Variants in RIF1 observed in about 807,000 individuals in gnomAD.
RIF1 encodes the protein replication timing regulatory factor 1.
RIF1 carries 45 observed loss-of-function variants against 247.1 expected under a neutral mutation model. That is an observed-to-expected ratio of 0.18 (90% confidence interval 0.14 to 0.23). The LOEUF is 0.23. Among genes scored for constraint, RIF1 ranks in the 10% least tolerant of loss-of-function variants. The pLI is 1.00. For missense variants in RIF1, 2,967 were observed against 2,862.5 expected, an observed-to-expected ratio of 1.04 and a Z score of -0.83; for synonymous variants, 1,087 against 978.8, an observed-to-expected ratio of 1.11 and a Z score of -2.06.
chr2:151,495,948 C>T (rs78895794), intron 10 of RIF1, among the ~76,000 whole-genome samples: 1 of 152,126 alleles, frequency 6.6e-6, no homozygotes, highest in African/African-American at 2.4e-5. Flanking sequence ...TCCACCACCC[C>T]ACACGTACCC....
chr2:151,524,414 A>G, the RIF1 span: 1 of 1,613,822 alleles, frequency 6.2e-7, no homozygotes, highest in South Asian at 1.1e-5. Context: ...TCTGTACTCC[A>G]CCTGAATCAG....
rs746451185 is a variant in RIF1, at chr2:151,460,112, C to G, written c.3068C>G (p.Ala1023Gly). ...AATAAAAAAGAAAATATGAAACCAG[C>G]AGCCAAAGTATGTTTTCAAAAGTTT... Reference protein sequence around the residue: ...TKNKKENMKPAAKLKLESSSL... With the variant: ...TKNKKENMKPGAKLKLESSSL... The change falls in exon 26 of 36, where the codon GCA (alanine) becomes GGA (glycine). Residue 1023 changes from alanine to glycine, a missense_variant. By Grantham distance (60) the Ala-to-Gly change is moderately conservative. Transcript: ENST00000444746. The G allele has an allele frequency of 1.6e-5, 24 of 1,542,852 alleles. No individual in the cohort carries two copies. The highest frequency in any genetic ancestry group is 1.8e-5 in the Non-Finnish European group (21 of 1,139,080).
In RIF1 at chr2:151,410,446, C is replaced by A; in HGVS notation, c.23C>A (p.Pro8His). 6.2e-7 allele frequency: 1 copy of A among 1,613,988 alleles called. No individual in the cohort carries two copies. Among genetic ancestry groups the A allele is most frequent in the Non-Finnish European group, 8.5e-7 (1 of 1,179,978 alleles). Reference sequence around the variant, plus strand: ...GACATGACGGCCAGGGGTCAGAGCCCCCTCGCGCCGCTGTTGGAGACTTTG... The same window carrying A: ...GACATGACGGCCAGGGGTCAGAGCCACCTCGCGCCGCTGTTGGAGACTTTG... Reference protein sequence around the residue: MTARGQSPLAPLLETLED... With the variant: MTARGQSHLAPLLETLED... The change falls in exon 2 of 36, where the codon CCC becomes CAC. Residue 8 changes from proline (P) to histidine (H), a missense_variant. Pro to His is a moderately conservative substitution (Grantham distance 77). Transcript: ENST00000444746.
Position 151,492,232 on chromosome 2 carries a change from A to G in RIF1, c.*416-2997A>G, listed in dbSNP as rs1175593938. On this transcript the variant is annotated intron_variant and NMD_transcript_variant, in intron 9 of 13. Transcript: ENST00000454583. ...TCGTTCAGTGATAGGATCTGTCACCACTGGTGTGAAGCAACCCTTGTGTTT... is the reference window on the plus strand; with the variant it reads ...TCGTTCAGTGATAGGATCTGTCACCGCTGGTGTGAAGCAACCCTTGTGTTT... 1.2e-6 allele frequency: 2 copies of G among 1,613,784 alleles called. No homozygotes were observed. Among genetic ancestry groups the G allele is most frequent in the African/African-American group, 1.3e-5 (1 of 74,918 alleles).
At chr2:151,418,063 C>G (rs1687522628) in intron 6 of RIF1, among the ~76,000 whole-genome samples, 1 of 152,114 alleles carries the variant, frequency 6.6e-6, no homozygotes, top group African/African-American at 2.4e-5. Context: ...ACTGAAGGTT[C>G]TTTGGGTGAG....
chr2:151,427,579 A>G (rs1044843478), intron 8 of RIF1, among the ~76,000 whole-genome samples: 1 of 139,852 alleles, frequency 7.2e-6, no homozygotes, highest in Non-Finnish European at 1.6e-5. Context: ...TTTGTTTGAT[A>G]GTATTCCCAT....
chr2:151,464,568 T>C lies in RIF1; in HGVS notation c.5048T>C (p.Leu1683Ser). 6.2e-7 allele frequency: 1 copy of C among 1,612,948 alleles called. No individual in the cohort carries two copies. ...NLRTRNAIKR[L>S]HKRDSFDNCS... ...AGGACTAGAAATGCCATTAAGAGAT[T>C]ACATAAGCGAGACTCTTTTGATAAT... Residue 1683 changes from leucine to serine, a missense_variant, in exon 30 of 36, where the codon TTA becomes TCA. Physicochemically the swap from Leu to Ser is moderately radical, Grantham distance 145. Transcript: ENST00000444746.
chr2:151,492,093 G>GT lies in RIF1; in HGVS notation c.*416-3134dup. 1 of 1,613,574 alleles carries GT rather than the reference G, an allele frequency of 6.2e-7. No homozygotes were observed. Among genetic ancestry groups the GT allele is most frequent in the Non-Finnish European group, 8.5e-7 (1 of 1,179,628 alleles). On this transcript the variant is annotated intron_variant and NMD_transcript_variant, in intron 9 of 13. Coordinates refer to the RIF1 transcript ENST00000454583. ...AATCCCCTCCCCCAACCCAGGCTCAGTTACCTGTAATAGTCTCCTGATCTT... is the reference window on the plus strand; with the variant it reads ...AATCCCCTCCCCCAACCCAGGCTCAGTTTACCTGTAATAGTCTCCTGATCTT...
intron 3 of RIF1, among the ~76,000 whole-genome samples, chr2:151,412,265 A>C (rs904787238): frequency 1.8e-5 from 2 of 110,332 alleles, no homozygotes; most frequent in Non-Finnish European, 4.0e-5. Flanking sequence ...CCAAAGTTTG[A>C]GTTCTCATTT....
Position 151,454,978 on chromosome 2 carries a change from G to A in RIF1, c.2428G>A (p.Val810Met). ...TTCTTTATTTAAACTTATTGTGAAA[G>A]TGATCTATTCTTTCCACACACTGAG... ...LTSLFKLIVKVIYSFHTLSFK... is the reference protein window; with the variant it reads ...LTSLFKLIVKMIYSFHTLSFK... The change falls in exon 22 of 36, where the codon GTG (valine) becomes ATG (methionine). Residue 810 changes from valine (V) to methionine (M), a missense_variant. Physicochemically the swap from Val to Met is conservative, Grantham distance 21. This residue lies in a region of RIF1 where 2,028 missense variants were observed against 1,825.6 expected (regional missense o/e 1.11). Coordinates refer to ENST00000444746, the MANE Select transcript of RIF1 (RefSeq NM_018151.5). 1 of 1,613,332 alleles carries A rather than the reference G, an allele frequency of 6.2e-7. No homozygotes were observed.
At chr2:151,491,869 G>A (rs1052388266) in intron 9 of RIF1, 1 of 1,086,244 alleles carries the variant, frequency 9.2e-7, no homozygotes, top group African/African-American at 1.6e-5. Context: ...CCAAAGGATT[G>A]AATCACACTT....
At chr2:151,411,436 GC>G in intron 3 of RIF1, 98 bp downstream of exon 3, 1 of 735,698 alleles carries the variant, frequency 1.4e-6, no homozygotes, top group Non-Finnish European at 2.3e-6. Context: ...TGCTCTTGTT[GC>G]CCAGGCGAGA....
intron 7 of RIF1, among the ~76,000 whole-genome samples, chr2:151,421,501 CAT>C (rs1168330625): frequency 2.0e-5 from 3 of 152,180 alleles, no homozygotes; most frequent in Non-Finnish European, 4.4e-5. Flanking sequence ...GGCCCAATCA[CAT>C]AGGACTATGG....
the RIF1 span, chr2:151,526,812 T>A: frequency 3.5e-6 from 3 of 848,128 alleles, no homozygotes; most frequent in Non-Finnish European, 5.8e-6. Flanking sequence ...ACCTGAGCCC[T>A]GATGGAAGCA....
intron 29 of RIF1, among the ~76,000 whole-genome samples, 182 bp downstream of exon 29, chr2:151,462,648 AGTGTGTGT>A (rs112752759): frequency 1.3e-5 from 2 of 150,634 alleles, no homozygotes; most frequent in Admixed American, 6.6e-5. Flanking sequence ...GACACTAGTC[AGTGTGTGT>A]GTGTGTGTGT....
rs747340831 is a variant in RIF1, at chr2:151,480,334, C to CA, written c.*5265dup. 1 of 152,096 alleles carries CA rather than the reference C, an allele frequency of 6.6e-6. No homozygotes were observed. Among genetic ancestry groups the CA allele is most frequent in the Non-Finnish European group, 1.5e-5 (1 of 68,004 alleles). 9.4% of individuals were successfully genotyped at this position (152,096 alleles called of 1,614,324 possible). On this transcript the variant is annotated 3_prime_UTR_variant, in exon 36 of 36. Transcript: ENST00000444746. Reference sequence around the variant, plus strand: ...AGATAAAGCTGAATTTACTGGGCAGCAAGCTTATATGCTGATAGAAGTTGA... The same window carrying CA: ...AGATAAAGCTGAATTTACTGGGCAGCAAAGCTTATATGCTGATAGAAGTTGA...
At chr2:151,437,074 A>G (rs1691358697) in intron 12 of RIF1, 71 bp downstream of exon 12, 1 of 1,388,518 alleles carries the variant, frequency 7.2e-7, no homozygotes, top group Non-Finnish European at 9.8e-7. Flanking sequence ...GGGTGAGGAG[A>G]GGTGTTATTT....
intron 7 of RIF1, among the ~76,000 whole-genome samples, chr2:151,421,032 A>G (rs1269690370): frequency 1.3e-5 from 2 of 152,200 alleles, no homozygotes; most frequent in African/African-American, 4.8e-5. Flanking sequence ...ATGTACATAA[A>G]CTTACCTAGT....
chr2:151,506,291 A>C (rs1490641900), exon 13 of RIF1: 1 of 1,507,976 alleles, frequency 6.6e-7, no homozygotes, highest in African/African-American at 1.4e-5. Flanking sequence ...GTGTTAACAC[A>C]GAAGAAAAGA....
Sources: gnomAD v4.1 joint callset for allele counts (sites outside exome capture counted in the v4.1 genomes callset) on GRCh38, gnomAD v4.1.1 for gene constraint, gnomAD v4.1.1 regional missense constraint, MANE v1.5 for transcripts, NCBI Gene and HGNC (gene_info 2026-07-23, HGNC 2026-07-21) for gene names.